The following CNOT6 variants were observed in gnomAD, a reference collection of about 807,000 sequenced individuals.
CNOT6 encodes CCR4-NOT transcription complex subunit 6.
In CNOT6, 12 loss-of-function variants were observed where a neutral mutation model predicts 61.2. That is an observed-to-expected ratio of 0.20 (90% CI 0.13 to 0.32). The LOEUF (loss-of-function observed/expected upper bound fraction) is 0.32, where lower values mean the gene tolerates loss of function less well. Among genes scored for constraint, CNOT6 ranks in the 10% least tolerant of loss-of-function variants. CNOT6 has a pLI of 1.00. For synonymous variants in CNOT6, 225 were observed against 240.6 expected (o/e 0.94, Z 0.60); for missense variants, 405 against 663.9 (o/e 0.61, Z 4.28).
intron 7 of CNOT6, among the ~76,000 whole-genome samples, 177 bp from the exon 8 acceptor site, chr5:180,566,911 C>G (rs1187833261): frequency 2.0e-5 from 3 of 152,140 alleles, no homozygotes; most frequent in African/African-American, 7.2e-5. Flanking sequence ...GCCTCGGCCT[C>G]TCAAAGTGCT....
chr5:180,546,326 C>T (rs1759311088), intron 2 of CNOT6, among the ~76,000 whole-genome samples: 1 of 152,080 alleles, frequency 6.6e-6, no homozygotes, highest in Admixed American at 6.5e-5. Context: ...AATAAAGCTT[C>T]TTCTATTTTT....
chr5:180,533,035 A>G (rs1309509880), intron 2 of CNOT6, among the ~76,000 whole-genome samples: 4 of 152,114 alleles, frequency 2.6e-5, no homozygotes, highest in South Asian at 2.1e-4. Context: ...TTCATTACAT[A>G]GGCATGGTTG....
intron 1 of CNOT6, among the ~76,000 whole-genome samples, chr5:180,503,601 C>CTTTTTT (rs56187510): frequency 5.1e-4 from 34 of 66,138 alleles, no homozygotes; most frequent in African/African-American, 8.2e-4. Context: ...GCCCTACTTC[C>CTTTTTT]TTTTTTTTTT....
chr5:180,564,283 A>T (rs1306315621), intron 4 of CNOT6, among the ~76,000 whole-genome samples: 4 of 152,204 alleles, frequency 2.6e-5, no homozygotes. Context: ...CAGCCCATTA[A>T]CATTATGTTT....
chr5:180,541,868 G>A (rs1010061499), intron 2 of CNOT6, among the ~76,000 whole-genome samples: 3 of 151,756 alleles, frequency 2.0e-5, no homozygotes, highest in African/African-American at 7.3e-5. Flanking sequence ...AGCAGACGGG[G>A]TCTCGCTCTG....
At position 180,567,053 on chromosome 5, in the gene CNOT6, C is replaced by T. The variant is rs200864215; in HGVS notation, c.718-35C>T. The T allele has an allele frequency of 1.6e-3, 2,555 of 1,569,022 alleles. 5 individuals carry two copies. The highest frequency in any genetic ancestry group is 1.8e-3 in the Non-Finnish European group (2,138 of 1,162,618). On this transcript the variant is annotated intron_variant, in intron 7 of 11. Transcript: ENST00000261951. ...AGTTAATATGCAGACTAATTTTTGT[C>T]TTATGAAATAACTGTGCTGTTTACA... is the stretch of plus-strand genomic sequence containing the variant.
chr5:180,539,172 T>C (rs1378401885), intron 2 of CNOT6, among the ~76,000 whole-genome samples: 5 of 43,056 alleles, frequency 1.2e-4, no homozygotes, highest in Non-Finnish European at 2.6e-4. Flanking sequence ...AGACTCCATC[T>C]CAAAAAAAAA....
At chr5:180,522,281 T>C (rs1436645432) in intron 1 of CNOT6, among the ~76,000 whole-genome samples, 1 of 152,062 alleles carries the variant, frequency 6.6e-6, no homozygotes, top group Non-Finnish European at 1.5e-5. Context: ...TGGCTAATTT[T>C]TGTATTTTTT....
chr5:180,538,903 C>T (rs1265753950), intron 2 of CNOT6, among the ~76,000 whole-genome samples: 2 of 151,016 alleles, frequency 1.3e-5, no homozygotes, highest in African/African-American at 2.4e-5. Flanking sequence ...TGTCTGGGTA[C>T]GGTAGCTTAC....
At chr5:180,515,462 A>C (rs1046137255) in intron 1 of CNOT6, among the ~76,000 whole-genome samples, 5 of 151,216 alleles carry the variant, frequency 3.3e-5, no homozygotes, top group Non-Finnish European at 5.9e-5. Flanking sequence ...ATAGTTAGCT[A>C]AGTTGAGGTA....
At chr5:180,521,683 T>G (rs1466569565) in intron 1 of CNOT6, among the ~76,000 whole-genome samples, 1 of 152,228 alleles carries the variant, frequency 6.6e-6, no homozygotes, top group Non-Finnish European at 1.5e-5. Context: ...CAGTACATTC[T>G]CAGCCCTTGC....
At chr5:180,570,465 A>G (rs971330434) in intron 10 of CNOT6, among the ~76,000 whole-genome samples, 2 of 152,256 alleles carry the variant, frequency 1.3e-5, no homozygotes, top group Non-Finnish European at 2.9e-5. Flanking sequence ...TCATCAAGTT[A>G]TCTGGGGATT....
At chr5:180,516,934 G>GT (rs1358966352) in intron 1 of CNOT6, among the ~76,000 whole-genome samples, 1 of 152,108 alleles carries the variant, frequency 6.6e-6, no homozygotes, top group Non-Finnish European at 1.5e-5. Context: ...ACTGACGTGT[G>GT]TTTCATACTG....
chr5:180,566,500 A>G (rs1760462975), intron 7 of CNOT6, among the ~76,000 whole-genome samples: 1 of 152,168 alleles, frequency 6.6e-6, no homozygotes, highest in East Asian at 1.9e-4. Context: ...TCTAAGACAT[A>G]AGGAAATACA....
chr5:180,502,380 G>T lies in CNOT6; in HGVS notation c.-3+7617G>T, dbSNP rs1353779660. ...TTCAGTTACTAGAAGAAGAAGATTT[G>T]TCCTCATTAGCGGTAGAGATTATCT... On this transcript the variant is annotated intron_variant, in intron 1 of 11. Coordinates refer to ENST00000261951, the MANE Select transcript of CNOT6 (RefSeq NM_001370472.1). Among the ~76,000 whole-genome samples, 3 of 152,164 alleles carry T rather than the reference G, an allele frequency of 2.0e-5. No individual in the cohort carries two copies. In the East Asian group the frequency reaches 5.8e-4, roughly 29 times the overall value.
intron 11 of CNOT6, among the ~76,000 whole-genome samples, chr5:180,572,793 C>A (rs1260505618): frequency 3.3e-5 from 5 of 151,386 alleles, no homozygotes; most frequent in Non-Finnish European, 7.4e-5. Flanking sequence ...TGGCCTCAAG[C>A]AATCCTCCTG....
chr5:180,550,170 A>C, intron 3 of CNOT6, 53 bp downstream of exon 3: 2 of 1,435,800 alleles, frequency 1.4e-6, no homozygotes, highest in East Asian at 2.3e-5. Flanking sequence ...AAAACAAAAT[A>C]TAGGCCGGGC....
intron 1 of CNOT6, among the ~76,000 whole-genome samples, chr5:180,507,281 T>G (rs1213751730): frequency 1.3e-5 from 2 of 152,202 alleles, no homozygotes; most frequent in Admixed American, 6.5e-5. Flanking sequence ...GTTTCCTGTT[T>G]CCAAGGGTAT....
chr5:180,527,349 T>C (rs1234804126), intron 1 of CNOT6, among the ~76,000 whole-genome samples: 2 of 152,244 alleles, frequency 1.3e-5, no homozygotes, highest in Non-Finnish European at 2.9e-5. Flanking sequence ...CATTGATTTG[T>C]TCAAGATATT....
Sources: allele counts gnomAD v4.1 joint callset (sites outside exome capture counted in the v4.1 genomes callset), GRCh38; gene constraint gnomAD v4.1.1; transcripts MANE v1.5; gene names NCBI Gene and HGNC (gene_info 2026-07-23, HGNC 2026-07-21).